TOLLIP: variants seen among roughly 807,000 people sequenced by gnomAD.
The protein encoded by TOLLIP is toll-interacting protein.
A neutral mutation model predicts 33.5 loss-of-function variants in TOLLIP; 16 were observed. The observed-to-expected ratio is 0.48, with a 90% CI of 0.32 to 0.72. The LOEUF (loss-of-function observed/expected upper bound fraction) is 0.72. Among genes scored for constraint, TOLLIP ranks in the 30% least tolerant of loss-of-function variants. The probability of loss-of-function intolerance (pLI) is 0.03; values close to 1 mark genes in which losing one functional copy is unlikely to be tolerated. For synonymous variants in TOLLIP, 176 were observed against 163.7 expected (o/e 1.07, Z -0.57); for missense variants, 325 against 396.6 (o/e 0.82, Z 1.53).
In TOLLIP at chr11:1,277,674, C is replaced by T. The variant is rs1415298569; in HGVS notation, c.611-421G>A. 2.0e-5 allele frequency among the ~76,000 whole-genome samples: 3 copies of T among 152,170 alleles called. No individual in the cohort carries two copies. Among genetic ancestry groups the T allele is most frequent in the Admixed American group, 6.5e-5 (1 of 15,280 alleles). Reference sequence around the variant, plus strand: ...CCTCTGCATCTGGGGACGGACTACACGGAATGTCACGCCCGCTGATCCAAA... The same window carrying T: ...CCTCTGCATCTGGGGACGGACTACATGGAATGTCACGCCCGCTGATCCAAA... On this transcript the variant is annotated intron_variant, in intron 5 of 5. Transcript: ENST00000317204. This position sits in a 1 kb window ranked among gnomAD's most constrained non-coding sequence, Gnocchi z 4.2.
Position 1,288,743 on chromosome 11 carries a change from T to A in TOLLIP, c.400A>T (p.Thr134Ser), listed in dbSNP as rs773108179. ...AFSMDDRIAW[T>S]HITIPESLRQ... The stretch of plus-strand genomic sequence containing the variant: ...AGGGACTCCGGGATGGTGATGTGGG[T>A]CCAGGCAATGCGGTCGTCCATGGAG... Residue 134 changes from threonine to serine, a missense_variant, in exon 4 of 6, where the codon ACC (threonine) becomes TCC (serine). Coordinates refer to ENST00000317204, the MANE Select transcript of TOLLIP (RefSeq NM_019009.4). The A allele has an allele frequency of 6.2e-7, 1 of 1,612,738 alleles. No homozygotes were observed. The highest frequency in any genetic ancestry group is 1.1e-5 in the South Asian group (1 of 91,074).
At chr11:1,304,034 T>TA (rs1190313088) in intron 1 of TOLLIP, among the ~76,000 whole-genome samples, 4,193 of 87,780 alleles carry the variant, frequency 0.048, 252 homozygotes, top group African/African-American at 0.15. Flanking sequence ...AGCCTCCATG[T>TA]AAAAAAAAAA....
Position 1,303,111 on chromosome 11 carries a change from G to A in TOLLIP, c.33+6355C>T, listed in dbSNP as rs1168008844. Among the ~76,000 whole-genome samples, 4 of 152,222 alleles carry A rather than the reference G, an allele frequency of 2.6e-5. No individual in the cohort carries two copies. The highest frequency in any genetic ancestry group is 6.5e-5 in the Admixed American group (1 of 15,286). On this transcript the variant is annotated intron_variant, in intron 1 of 5. Transcript: ENST00000317204. This position sits in a 1 kb window ranked among gnomAD's most constrained non-coding sequence, Gnocchi z 4.2. Reference sequence around the variant, plus strand: ...TTGAAACGAACCCGTGTAAGCTGAAGAGCGGTGAAAGGGAAGAGTACAGGA... The same window carrying A: ...TTGAAACGAACCCGTGTAAGCTGAAAAGCGGTGAAAGGGAAGAGTACAGGA...
chr11:1,284,703 C>T (rs554926060), intron 5 of TOLLIP, among the ~76,000 whole-genome samples: 4 of 152,316 alleles, frequency 2.6e-5, no homozygotes, highest in South Asian at 2.1e-4. Flanking sequence ...CTCAGACACA[C>T]GCTCTGCTCT....
rs901278877 is a variant in TOLLIP at position 1,278,607 on chromosome 11, A to G, written c.611-1354T>C. Among the ~76,000 whole-genome samples, 1 of 150,658 alleles carries G rather than the reference A, an allele frequency of 6.6e-6. No homozygotes were observed. Among genetic ancestry groups the G allele is most frequent in the African/African-American group, 2.4e-5 (1 of 40,886 alleles). Reference sequence around the variant, plus strand: ...CCAGGCCGACTCTTCCTCCACACCCACCCCTGCCTCCTCTGCTTCTCGGCT... The same window carrying G: ...CCAGGCCGACTCTTCCTCCACACCCGCCCCTGCCTCCTCTGCTTCTCGGCT... On this transcript the variant is annotated intron_variant, in intron 5 of 5. Coordinates refer to ENST00000317204, the MANE Select transcript of TOLLIP (RefSeq NM_019009.4). This position sits in a 1 kb window ranked among gnomAD's most constrained non-coding sequence, Gnocchi z 4.7.
rs5743860 is a variant in TOLLIP at position 1,308,012 on chromosome 11, G to C, written c.33+1454C>G. 9.0e-3 allele frequency among the ~76,000 whole-genome samples: 1,372 copies of C among 152,314 alleles called. 27 individuals carry two copies. Among genetic ancestry groups the C allele is most frequent in the African/African-American group, 0.03 (1,251 of 41,554 alleles). ...TCCACCACGTCCAGTACTGGGCTGCGCGAGGGCAGGGACCTTGGAGCATCG... is the reference window on the plus strand; with the variant it reads ...TCCACCACGTCCAGTACTGGGCTGCCCGAGGGCAGGGACCTTGGAGCATCG... On this transcript the variant is annotated intron_variant, in intron 1 of 5. Coordinates refer to ENST00000317204, the MANE Select transcript of TOLLIP (RefSeq NM_019009.4).
chr11:1,288,611 G>T lies in TOLLIP; in HGVS notation c.519+13C>A. 3 of 1,605,590 alleles carry T rather than the reference G, an allele frequency of 1.9e-6. No individual in the cohort carries two copies. Among genetic ancestry groups the T allele is most frequent in the Non-Finnish European group, 2.6e-6 (3 of 1,175,602 alleles). On this transcript the variant is annotated intron_variant, in intron 4 of 5. Transcript: ENST00000317204. ...CCCCAATGCGCCCCACCCCGCCCAGGCGTGCAGCTCACCGCGTAGGACATG... is the reference window on the plus strand; with the variant it reads ...CCCCAATGCGCCCCACCCCGCCCAGTCGTGCAGCTCACCGCGTAGGACATG...
chr11:1,292,929 A>G (rs940571016), intron 2 of TOLLIP, among the ~76,000 whole-genome samples: 5 of 152,250 alleles, frequency 3.3e-5, no homozygotes, highest in African/African-American at 4.8e-5. Flanking sequence ...GTCAGGAGTG[A>G]CTAGGGTGAG....
chr11:1,300,749 C>T (rs908166363), intron 1 of TOLLIP, among the ~76,000 whole-genome samples: 1 of 152,242 alleles, frequency 6.6e-6, no homozygotes, highest in South Asian at 2.1e-4. Context: ...ACATGCAGTC[C>T]TGGCCTCACG....
Position 1,287,392 on chromosome 11 carries a change from G to GCAGC in TOLLIP, c.519+1231_519+1232insGCTG, listed in dbSNP as rs1165245357. On this transcript the variant is annotated intron_variant, in intron 4 of 5. Transcript: ENST00000317204. The stretch of plus-strand genomic sequence containing the variant: ...TGGCCCAGAAAAGCAGCTCCCTGCT[G>GCAGC]CTGCCTCCCCGCCGCAGCCTCCCCG... Among the ~76,000 whole-genome samples, 639 of 106,302 alleles carry GCAGC rather than the reference G, an allele frequency of 6.0e-3. 142 individuals carry two copies. The highest frequency in any genetic ancestry group is 0.02 in the Middle Eastern group (4 of 198). The allele number at this position is 106,302 out of a possible 152,430, so 69.7% of individuals were successfully genotyped here.
At chr11:1,300,407 T>G (rs1864234863) in intron 1 of TOLLIP, among the ~76,000 whole-genome samples, 1 of 152,248 alleles carries the variant, frequency 6.6e-6, no homozygotes, top group Non-Finnish European at 1.5e-5. Flanking sequence ...CAACATTCAC[T>G]TCTATTTAAA....
chr11:1,291,498 G>C (rs1863941265), intron 2 of TOLLIP, among the ~76,000 whole-genome samples: 1 of 135,284 alleles, frequency 7.4e-6, no homozygotes, highest in Non-Finnish European at 1.6e-5. Context: ...ACCCCCCTCT[G>C]AGAGTACTGC....
At chr11:1,298,088 G>C (rs913175253) in intron 1 of TOLLIP, 1 of 152,410 alleles carries the variant, frequency 6.6e-6, no homozygotes. Flanking sequence ...CTGCTCACCA[G>C]GAACGGGTTA....
At chr11:1,291,200 A>G (rs981605622) in intron 2 of TOLLIP, 1 of 152,260 alleles carries the variant, frequency 6.6e-6, no homozygotes, top group African/African-American at 2.4e-5. Context: ...AAACCTTTAC[A>G]AGAAAAAACC....
chr11:1,290,213 C>T lies in TOLLIP; in HGVS notation c.366+14G>A. The stretch of plus-strand genomic sequence containing the variant: ...CACGTGCAGCCTCCATAATAGCTGG[C>T]ACGTCCCTCTCACCTCATCGAAGAT... On this transcript the variant is annotated intron_variant, in intron 3 of 5. Coordinates refer to ENST00000317204, the MANE Select transcript of TOLLIP (RefSeq NM_019009.4). This position sits in a 1 kb window ranked among gnomAD's most constrained non-coding sequence, Gnocchi z 4.9. The T allele has an allele frequency of 6.2e-7, 1 of 1,610,002 alleles. No homozygotes were observed. Among genetic ancestry groups the T allele is most frequent in the Non-Finnish European group, 8.5e-7 (1 of 1,177,536 alleles).
At chr11:1,286,438 G>A (rs958509956) in intron 4 of TOLLIP, among the ~76,000 whole-genome samples, 1 of 152,202 alleles carries the variant, frequency 6.6e-6, no homozygotes, top group African/African-American at 2.4e-5. Flanking sequence ...TGGTGTCTGA[G>A]TTTGAAAGTG....
At chr11:1,294,471 G>A (rs1241995813) in intron 2 of TOLLIP, among the ~76,000 whole-genome samples, 4 of 76,312 alleles carry the variant, frequency 5.2e-5, no homozygotes, top group African/African-American at 1.2e-4. Context: ...GCATTTCTAC[G>A]AAAGCCCGCG....
At chr11:1,287,226 T>A (rs748972033) in intron 4 of TOLLIP, among the ~76,000 whole-genome samples, 1 of 152,242 alleles carries the variant, frequency 6.6e-6, no homozygotes, top group African/African-American at 2.4e-5. Flanking sequence ...GTAAAATCAC[T>A]GGAGCGTCAT....
At chr11:1,297,675 C>T (rs1459637984) in intron 1 of TOLLIP, among the ~76,000 whole-genome samples, 2 of 152,272 alleles carry the variant, frequency 1.3e-5, no homozygotes, top group African/African-American at 4.8e-5. Flanking sequence ...CCCGGCTTCA[C>T]CTCCGGAGGG....
Sources: allele counts gnomAD v4.1 joint callset (sites outside exome capture counted in the v4.1 genomes callset), GRCh38; gene constraint gnomAD v4.1.1; non-coding constraint Gnocchi (gnomAD v3.1); transcripts MANE v1.5; gene names NCBI Gene and HGNC (gene_info 2026-07-23, HGNC 2026-07-21).